Variants in ALKBH1 observed in about 807,000 individuals in gnomAD.
ALKBH1 encodes alkB homolog 1, histone H2A dioxygenase.
A neutral mutation model predicts 36.6 loss-of-function variants in ALKBH1; 31 were observed. The ratio of observed to expected loss-of-function variants is 0.85; its 90% CI spans 0.64 to 1.14. The LOEUF (loss-of-function observed/expected upper bound fraction) is 1.14, where lower values mean the gene tolerates loss of function less well. ALKBH1 is among the 50% of genes most tolerant of loss of function. The pLI is 0.00. For missense variants in ALKBH1, 490 were observed against 497.3 expected, an observed-to-expected ratio of 0.99 and a Z score of 0.14; for synonymous variants, 183 against 186.6, an observed-to-expected ratio of 0.98 and a Z score of 0.16.
At chr14:77,694,957 C>T in intron 2 of ALKBH1, 57 bp from the exon 3 acceptor site, 4 of 1,373,898 alleles carry the variant, frequency 2.9e-6, no homozygotes, top group Non-Finnish European at 3.8e-6. Context: ...ATCAGTTATT[C>T]AAATAATTTT....
intron 3 of ALKBH1, 46 bp from the exon 4 acceptor site, chr14:77,680,016 A>G: frequency 2.7e-6 from 4 of 1,476,696 alleles, no homozygotes; most frequent in Middle Eastern, 3.5e-4. Flanking sequence ...GTAAAATGGC[A>G]GCAATAGCCG....
At chr14:77,693,856 G>A (rs1322668164) in intron 3 of ALKBH1, among the ~76,000 whole-genome samples, 1 of 151,966 alleles carries the variant, frequency 6.6e-6, no homozygotes, top group East Asian at 1.9e-4. Flanking sequence ...GCGTGGTGGT[G>A]GATGCCTGTA....
At chr14:77,695,248 A>G (rs1213981131) in intron 2 of ALKBH1, among the ~76,000 whole-genome samples, 1 of 152,222 alleles carries the variant, frequency 6.6e-6, no homozygotes, top group Non-Finnish European at 1.5e-5. Context: ...CATTTATTAC[A>G]GGCATGATTA....
At chr14:77,682,330 A>G (rs1356016492) in intron 3 of ALKBH1, among the ~76,000 whole-genome samples, 1 of 152,230 alleles carries the variant, frequency 6.6e-6, no homozygotes, top group African/African-American at 2.4e-5. Flanking sequence ...AACATGTTCT[A>G]TTTTAGTAGC....
intron 1 of ALKBH1, 149 bp from the exon 2 acceptor site, chr14:77,704,626 G>A: frequency 1.6e-6 from 1 of 625,574 alleles, no homozygotes; most frequent in Non-Finnish European, 2.8e-6. Context: ...TCAGGCGAGT[G>A]CAGAGGCATG....
intron 3 of ALKBH1, among the ~76,000 whole-genome samples, chr14:77,692,443 G>A (rs1200158356): frequency 1.3e-5 from 2 of 152,186 alleles, no homozygotes; most frequent in Non-Finnish European, 2.9e-5. Flanking sequence ...CAGATGAACA[G>A]GCATTAGATT....
chr14:77,698,542 G>A (rs2080341474), intron 2 of ALKBH1, among the ~76,000 whole-genome samples: 1 of 152,210 alleles, frequency 6.6e-6, no homozygotes, highest in South Asian at 2.1e-4. Context: ...TGATATAAAA[G>A]CCAAGCATCA....
At chr14:77,678,075 A>T (rs1349623688) in intron 4 of ALKBH1, among the ~76,000 whole-genome samples, 5 of 135,632 alleles carry the variant, frequency 3.7e-5, no homozygotes, top group African/African-American at 5.6e-5. Flanking sequence ...TCAACAGTAA[A>T]AATATTATCA....
chr14:77,674,910 T>C (rs2080196650), intron 5 of ALKBH1, among the ~76,000 whole-genome samples: 1 of 152,140 alleles, frequency 6.6e-6, no homozygotes, highest in Admixed American at 6.5e-5. Flanking sequence ...TATGTTTACC[T>C]TTCCTCATTT....
chr14:77,692,432 T>C (rs1286063476), intron 3 of ALKBH1, among the ~76,000 whole-genome samples: 1 of 152,172 alleles, frequency 6.6e-6, no homozygotes, highest in African/African-American at 2.4e-5. Context: ...CTGTTCCATC[T>C]CAGATGAACA....
In ALKBH1 at chr14:77,673,973, C is replaced by T. The variant is rs774174335; in HGVS notation, c.1009G>A (p.Ala337Thr). Residue 337 changes from alanine to threonine, a missense_variant, in exon 6 of 6, where the codon GCT becomes ACT. By Grantham distance (58) the Ala-to-Thr change is moderately conservative. Coordinates refer to ENST00000216489, the MANE Select transcript of ALKBH1 (RefSeq NM_006020.3). ...TGTCGGACAGTCATGTTAACACGAG[C>T]GGTCTTCAAGTAGCTGGCACACACC... ...WQVCASYLKT[A>T]RVNMTVRQVL... 3.0e-5 allele frequency: 48 copies of T among 1,614,018 alleles called. No homozygotes were observed. The highest frequency in any genetic ancestry group is 9.9e-5 in the South Asian group (9 of 91,074).
At chr14:77,707,599 C>A (rs771973039) in intron 1 of ALKBH1, among the ~76,000 whole-genome samples, 1 of 152,202 alleles carries the variant, frequency 6.6e-6, no homozygotes, top group African/African-American at 2.4e-5. Context: ...GCTCTTTTGA[C>A]TGAGCGCCCC....
chr14:77,687,247 G>A (rs1265228107), intron 3 of ALKBH1, among the ~76,000 whole-genome samples: 2 of 152,190 alleles, frequency 1.3e-5, no homozygotes, highest in Non-Finnish European at 2.9e-5. Context: ...GGTTTCAGAA[G>A]TGGTCCTACT....
At chr14:77,695,996 G>C (rs57635466) in intron 2 of ALKBH1, among the ~76,000 whole-genome samples, 24,441 of 151,972 alleles carry the variant, frequency 0.16, 2,051 homozygotes, top group East Asian at 0.26. Context: ...GGAGGCTGAG[G>C]CAGGAGAATC....
chr14:77,693,337 C>T (rs185856343), intron 3 of ALKBH1, among the ~76,000 whole-genome samples: 47 of 152,200 alleles, frequency 3.1e-4, no homozygotes, highest in East Asian at 7.7e-4. Flanking sequence ...GCATGAGCCA[C>T]CAAGCCCAGA....
At chr14:77,701,398 A>G (rs1187726727) in intron 2 of ALKBH1, among the ~76,000 whole-genome samples, 1 of 152,244 alleles carries the variant, frequency 6.6e-6, no homozygotes, top group East Asian at 1.9e-4. Context: ...TAGATGGCAG[A>G]GCCAGGATAT....
intron 1 of ALKBH1, among the ~76,000 whole-genome samples, chr14:77,705,281 C>T (rs934584262): frequency 2.0e-5 from 3 of 151,674 alleles, no homozygotes; most frequent in Non-Finnish European, 3.0e-5. Context: ...GGTGTAGTGG[C>T]GGGCGCCTGA....
intron 3 of ALKBH1, chr14:77,683,098 C>T (rs1284563984): frequency 1.4e-5 from 7 of 499,264 alleles, no homozygotes; most frequent in South Asian, 5.0e-5. Flanking sequence ...GCAATCCTTC[C>T]GCCCTGACCT....
intron 2 of ALKBH1, chr14:77,697,154 C>A (rs1293966664): frequency 5.4e-6 from 1 of 186,488 alleles, no homozygotes; most frequent in Non-Finnish European, 1.2e-5. Flanking sequence ...GGTACTGTAA[C>A]ACCAATGGAG....
Sources: gnomAD v4.1 joint callset for allele counts (sites outside exome capture counted in the v4.1 genomes callset) on GRCh38, gnomAD v4.1.1 for gene constraint, MANE v1.5 for transcripts, NCBI Gene and HGNC (gene_info 2026-07-23, HGNC 2026-07-21) for gene names.